The following ELP1 variants were observed in gnomAD, a reference collection of about 807,000 sequenced individuals.
ELP1 encodes the protein elongator acetyltransferase complex subunit 1.
ELP1 carries 131 observed loss-of-function variants against 183.2 expected under a neutral mutation model. That is an observed-to-expected ratio of 0.72 (90% confidence interval 0.62 to 0.83). The LOEUF (loss-of-function observed/expected upper bound fraction) is 0.83, where lower values mean the gene tolerates loss of function less well. Among genes scored for constraint, ELP1 ranks in the 40% least tolerant of loss-of-function variants. The pLI is 0.00. For synonymous variants in ELP1, 555 were observed against 569.0 expected (o/e 0.98, Z 0.35); for missense variants, 1,550 against 1,594.9 (o/e 0.97, Z 0.48).
intron 36 of ELP1, among the ~76,000 whole-genome samples, chr9:108,871,133 CAAT>C (rs1410412827): frequency 6.6e-6 from 1 of 152,098 alleles, no homozygotes; most frequent in East Asian, 1.9e-4. Context: ...TTTTCTATAA[CAAT>C]GATGGCATCA....
At chr9:108,905,037 TC>T (rs1353861577) in intron 14 of ELP1, among the ~76,000 whole-genome samples, 1 of 152,210 alleles carries the variant, frequency 6.6e-6, no homozygotes, top group Non-Finnish European at 1.5e-5. Flanking sequence ...AGTAAATTGC[TC>T]CGCTTTTCAA....
Position 108,869,174 on chromosome 9 carries a change from G to A in ELP1, c.3940C>T (p.Leu1314Phe). Residue 1314 changes from leucine (L) to phenylalanine (F), a missense_variant, in exon 37 of 37, where the codon CTT becomes TTT. Physicochemically the swap from Leu to Phe is conservative, Grantham distance 22 (BLOSUM62 0). Coordinates refer to ENST00000374647, the MANE Select transcript of ELP1 (RefSeq NM_003640.5). ...CTGTTGATCTTTGGTGGTATAAAAA[G>A]CTCAGCATCTAAAAGCAAGAAAGGA... ...KTSVPVLDAE[L>F]FIPPKINRRT... is the part of the protein sequence containing the mutation. The A allele has an allele frequency of 6.2e-7, 1 of 1,614,040 alleles. No homozygotes were observed. The highest frequency in any genetic ancestry group is 8.5e-7 in the Non-Finnish European group (1 of 1,179,914).
At chr9:108,898,086 AG>A (rs1828624635) in intron 22 of ELP1, among the ~76,000 whole-genome samples, 2 of 152,208 alleles carry the variant, frequency 1.3e-5, no homozygotes, top group Admixed American at 6.5e-5. Context: ...ATGTGTATAC[AG>A]AAAAATATAA....
chr9:108,895,456 G>T (rs1828503816), intron 25 of ELP1, among the ~76,000 whole-genome samples: 1 of 152,154 alleles, frequency 6.6e-6, no homozygotes, highest in African/African-American at 2.4e-5. Flanking sequence ...ATGGATGGCA[G>T]AAGTAATGCT....
chr9:108,867,876 A>G lies in ELP1; in HGVS notation c.*1239T>C, dbSNP rs1187374462. On this transcript the variant is annotated 3_prime_UTR_variant, in exon 37 of 37. Coordinates refer to ENST00000374647, the MANE Select transcript of ELP1 (RefSeq NM_003640.5). ...ACTGGGAAAGGCTTCTTAAATTACA[A>G]TTTTGGCTATATCACTTCTTTGAGG... 5 of 152,218 alleles carry G rather than the reference A, an allele frequency of 3.3e-5. No homozygotes were observed. Among genetic ancestry groups the G allele is most frequent in the Admixed American group, 6.5e-5 (1 of 15,280 alleles). 9.4% of individuals were successfully genotyped at this position (152,218 alleles called of 1,614,324 possible). A position where few individuals can be genotyped will look rare whatever the true frequency, so the allele number is the denominator to read the frequency against.
chr9:108,893,209 C>T, intron 26 of ELP1, 126 bp from the exon 27 acceptor site: 1 of 715,500 alleles, frequency 1.4e-6, no homozygotes, highest in Admixed American at 2.1e-5. Context: ...ATCAGAGAAT[C>T]TGAAGAATGG....
chr9:108,905,974 T>C (rs971748792), intron 14 of ELP1, among the ~76,000 whole-genome samples: 2 of 152,162 alleles, frequency 1.3e-5, no homozygotes, highest in Non-Finnish European at 2.9e-5. Flanking sequence ...ACTCTAATTA[T>C]GCTTGACAGT....
At chr9:108,893,621 T>A (rs1828425289) in intron 26 of ELP1, among the ~76,000 whole-genome samples, 1 of 152,190 alleles carries the variant, frequency 6.6e-6, no homozygotes. Flanking sequence ...TTCCCTGACA[T>A]GTCTGCAAAC....
intron 35 of ELP1, among the ~76,000 whole-genome samples, chr9:108,876,672 G>A (rs1277736675): frequency 5.3e-5 from 8 of 151,932 alleles, no homozygotes; most frequent in African/African-American, 1.9e-4. Flanking sequence ...ACACCAGAGG[G>A]GGAGTACAAA....
intron 29 of ELP1, among the ~76,000 whole-genome samples, chr9:108,888,145 G>A (rs1828199091): frequency 6.6e-6 from 1 of 152,182 alleles, no homozygotes; most frequent in South Asian, 2.1e-4. Context: ...AGTGAAAGGA[G>A]CCAGATTAAA....
chr9:108,879,423 T>C, intron 33 of ELP1, 23 bp downstream of exon 33: 20 of 1,539,104 alleles, frequency 1.3e-5, no homozygotes, highest in Non-Finnish European at 1.7e-5. Flanking sequence ...ATAGTCAATG[T>C]GCTGAATCAA....
In ELP1 at chr9:108,900,375, G is replaced by A; in HGVS notation, c.2015C>T (p.Thr672Ile). 6.2e-7 allele frequency: 1 copy of A among 1,609,634 alleles called. No individual in the cohort carries two copies. The highest frequency in any genetic ancestry group is 8.5e-7 in the Non-Finnish European group (1 of 1,175,858). The change falls in exon 19 of 37, where the codon ACA becomes ATA. Residue 672 changes from threonine (T) to isoleucine (I), a missense_variant and splice_region_variant. Physicochemically the swap from Thr to Ile is moderately conservative, Grantham distance 89 (BLOSUM62 -1). Transcript: ENST00000374647. ...CFCLRDASFK[T>I]LQAGLSSNHV... ...ATTGCTGCTCAGGCCGGCCTGTAATGCTAAACACACCATTAACTAATAAGC... is the reference window on the plus strand; with the variant it reads ...ATTGCTGCTCAGGCCGGCCTGTAATACTAAACACACCATTAACTAATAAGC...
rs765668014 is a variant in ELP1 at position 108,893,945 on chromosome 9, C to T, written c.2858G>A (p.Cys953Tyr). 5 of 1,613,886 alleles carry T rather than the reference C, an allele frequency of 3.1e-6. No individual in the cohort carries two copies. In the South Asian group the frequency reaches 3.3e-5, roughly 11 times the overall value. Residue 953 changes from cysteine (C) to tyrosine (Y), a missense_variant and splice_region_variant, in exon 26 of 37, where the codon TGT becomes TAT. Coordinates refer to ENST00000374647, the MANE Select transcript of ELP1 (RefSeq NM_003640.5). ...AACATACTAATCCCCACACTTACCA[C>T]ATTTGCTGAGGTGGCCAATGGCTTT... ...YEKAIGHLSK[C>Y]GPEYFPECLN... is the part of the protein sequence containing the mutation.
chr9:108,904,989 A>G (rs1236474684), intron 14 of ELP1, among the ~76,000 whole-genome samples: 3 of 152,220 alleles, frequency 2.0e-5, no homozygotes, highest in Non-Finnish European at 4.4e-5. Context: ...TCTACAAGCT[A>G]ATGATGAAGA....
chr9:108,899,372 C>T (rs1029776809), intron 20 of ELP1, among the ~76,000 whole-genome samples: 1 of 151,984 alleles, frequency 6.6e-6, no homozygotes, highest in Admixed American at 6.6e-5. Flanking sequence ...TAGATCTTTC[C>T]AATACAAAGT....
At chr9:108,898,031 T>A (rs145416528) in intron 22 of ELP1, among the ~76,000 whole-genome samples, 110 of 152,336 alleles carry the variant, frequency 7.2e-4, no homozygotes, top group Non-Finnish European at 7.9e-4. Context: ...GCAATTTGTC[T>A]ACAAACAAGA....
chr9:108,918,083 C>A (rs898108228), intron 8 of ELP1, among the ~76,000 whole-genome samples: 13 of 152,146 alleles, frequency 8.5e-5, no homozygotes, highest in Admixed American at 7.2e-4. Context: ...TAAGACTTCA[C>A]CAAATGTTGA....
intron 10 of ELP1, among the ~76,000 whole-genome samples, chr9:108,915,168 C>T (rs992108362): frequency 6.6e-6 from 1 of 152,142 alleles, no homozygotes; most frequent in South Asian, 2.1e-4. Context: ...AATCTTCTTT[C>T]ACGTCCACAG....
At chr9:108,923,686 A>G (rs1209280527) in intron 5 of ELP1, among the ~76,000 whole-genome samples, 1 of 152,134 alleles carries the variant, frequency 6.6e-6, no homozygotes, top group Non-Finnish European at 1.5e-5. Context: ...AGAGATTGAG[A>G]CCCTCCCTAA....
Sources: allele counts gnomAD v4.1 joint callset (sites outside exome capture counted in the v4.1 genomes callset), GRCh38; gene constraint gnomAD v4.1.1; transcripts MANE v1.5; gene names NCBI Gene and HGNC (gene_info 2026-07-23, HGNC 2026-07-21).